IKZF1: variants seen among roughly 807,000 people sequenced by gnomAD.
IKZF1 encodes DNA-binding protein Ikaros.
Under a neutral mutation model 51.7 loss-of-function variants are expected in IKZF1, and 10 were observed. The observed-to-expected ratio is 0.19, with a 90% CI of 0.12 to 0.33. The LOEUF (loss-of-function observed/expected upper bound fraction) is 0.33, where lower values mean the gene tolerates loss of function less well. Among genes scored for constraint, IKZF1 ranks in the 10% least tolerant of loss-of-function variants. The pLI is 1.00. For synonymous variants in IKZF1, 280 were observed against 282.3 expected (o/e 0.99, Z 0.08); for missense variants, 484 against 707.5 (o/e 0.68, Z 3.58).
chr7:50,377,729 C>G (rs1275281872), intron 4 of IKZF1, among the ~76,000 whole-genome samples: 1 of 152,234 alleles, frequency 6.6e-6, no homozygotes, highest in East Asian at 1.9e-4. Flanking sequence ...CAGGAGGTTT[C>G]TTATGAATTG....
At chr7:50,374,644 T>G (rs956797987) in intron 3 of IKZF1, among the ~76,000 whole-genome samples, 1 of 152,198 alleles carries the variant, frequency 6.6e-6, no homozygotes, top group African/African-American at 2.4e-5. Context: ...CTGGGATCAC[T>G]GGGGGTGAGC....
At chr7:50,363,227 G>A (rs1033208300) in intron 3 of IKZF1, among the ~76,000 whole-genome samples, 1 of 152,164 alleles carries the variant, frequency 6.6e-6, no homozygotes, top group Non-Finnish European at 1.5e-5. Context: ...TCAAGCCCTG[G>A]TGGAGCCCCC....
At chr7:50,350,095 G>A (rs774875561) in intron 3 of IKZF1, among the ~76,000 whole-genome samples, 3 of 152,154 alleles carry the variant, frequency 2.0e-5, no homozygotes, top group Non-Finnish European at 4.4e-5. Context: ...GGCAGCCCCG[G>A]GGTGGGCCTT....
At chr7:50,334,886 GGT>G (rs1210670849) in intron 3 of IKZF1, among the ~76,000 whole-genome samples, 54 of 150,544 alleles carry the variant, frequency 3.6e-4, no homozygotes, top group Admixed American at 7.9e-4. Flanking sequence ...TGTAATGTGT[GGT>G]GTGTGTGTGT....
intron 5 of IKZF1, among the ~76,000 whole-genome samples, chr7:50,386,900 T>C (rs1028131239): frequency 6.6e-6 from 1 of 152,248 alleles, no homozygotes; most frequent in African/African-American, 2.4e-5. Flanking sequence ...CTGTGTTAGA[T>C]GTAGCACCAG....
At chr7:50,365,833 T>C (rs540304590) in intron 3 of IKZF1, among the ~76,000 whole-genome samples, 1 of 152,314 alleles carries the variant, frequency 6.6e-6, no homozygotes, top group African/African-American at 2.4e-5. Flanking sequence ...CATTTGTTTG[T>C]TGCAGCACTA....
chr7:50,330,319 G>A (rs1796170931), intron 3 of IKZF1, among the ~76,000 whole-genome samples: 1 of 152,206 alleles, frequency 6.6e-6, no homozygotes, highest in South Asian at 2.1e-4. Flanking sequence ...GCAGCCCTGT[G>A]GACAGGCGGG....
chr7:50,372,282 C>T (rs934576882), intron 3 of IKZF1, among the ~76,000 whole-genome samples: 2 of 152,216 alleles, frequency 1.3e-5, no homozygotes, highest in African/African-American at 2.4e-5. Context: ...ACCCCATTTA[C>T]GGGAAATCCA....
chr7:50,397,719 A>G (rs999760973), intron 7 of IKZF1, among the ~76,000 whole-genome samples: 5 of 152,224 alleles, frequency 3.3e-5, no homozygotes, highest in Non-Finnish European at 7.3e-5. Context: ...AAACAAAAAA[A>G]TTGTGTGGTT....
intron 2 of IKZF1, among the ~76,000 whole-genome samples, chr7:50,321,472 G>C (rs1360424462): frequency 1.3e-5 from 2 of 152,212 alleles, no homozygotes; most frequent in African/African-American, 2.4e-5. Flanking sequence ...GACTAGAAGT[G>C]ATTAGGGTGT....
At position 50,404,789 on chromosome 7, in the gene IKZF1, C is replaced by T. The variant is rs956612484; in HGVS notation, c.*4162C>T. 8 of 228,784 alleles carry T rather than the reference C, an allele frequency of 3.5e-5. No individual in the cohort carries two copies. Among genetic ancestry groups the T allele is most frequent in the African/African-American group, 1.8e-4 (8 of 45,104 alleles). 14.2% of individuals were successfully genotyped at this position (228,784 alleles called of 1,614,324 possible). On this transcript the variant is annotated 3_prime_UTR_variant, in exon 8 of 8. Transcript: ENST00000331340. The stretch of plus-strand genomic sequence containing the variant: ...CCCAGGGCCCTCACAATTTCACTAC[C>T]TTGTCTTTTACATAGTCATAAGAAT...
At chr7:50,365,051 C>A (rs1009259488) in intron 3 of IKZF1, among the ~76,000 whole-genome samples, 2 of 152,238 alleles carry the variant, frequency 1.3e-5, no homozygotes, top group African/African-American at 4.8e-5. Context: ...GTATGTGCAG[C>A]TGCAGTACCT....
At chr7:50,358,458 A>G (rs1562819512) in intron 3 of IKZF1, among the ~76,000 whole-genome samples, 1 of 152,182 alleles carries the variant, frequency 6.6e-6, no homozygotes, top group Non-Finnish European at 1.5e-5. Flanking sequence ...AGCGCCAGCT[A>G]ATGGCGGGGA....
chr7:50,359,660 G>A (rs1470174121), intron 3 of IKZF1, among the ~76,000 whole-genome samples: 3 of 152,242 alleles, frequency 2.0e-5, no homozygotes, highest in African/African-American at 7.2e-5. Context: ...GTACACACGT[G>A]CACACGTGGT....
At chr7:50,387,758 GT>G (rs1813832407) in intron 6 of IKZF1, among the ~76,000 whole-genome samples, 1 of 152,082 alleles carries the variant, frequency 6.6e-6, no homozygotes, top group African/African-American at 2.4e-5. Flanking sequence ...TTTTGGGGTT[GT>G]TTTTTGGATG....
chr7:50,399,840 A>G, intron 7 of IKZF1, 78 bp from the exon 8 acceptor site: 1 of 1,515,794 alleles, frequency 6.6e-7, no homozygotes, highest in Non-Finnish European at 8.8e-7. Context: ...CCCCGGTTGT[A>G]GATTTCAGCT....
intron 3 of IKZF1, among the ~76,000 whole-genome samples, chr7:50,339,433 G>T (rs1297478038): frequency 2.0e-5 from 3 of 152,134 alleles, no homozygotes; most frequent in African/African-American, 7.2e-5. Context: ...TTAGCATTTA[G>T]TTTGGTTGCT....
intron 7 of IKZF1, among the ~76,000 whole-genome samples, chr7:50,392,468 C>T (rs1344548943): frequency 1.3e-5 from 2 of 152,130 alleles, no homozygotes; most frequent in African/African-American, 4.8e-5. Flanking sequence ...ACACCAACAC[C>T]ACCATCCAGC....
intron 2 of IKZF1, among the ~76,000 whole-genome samples, chr7:50,322,309 C>T (rs988459024): frequency 2.6e-5 from 4 of 152,176 alleles, no homozygotes; most frequent in Non-Finnish European, 5.9e-5. Context: ...ATCCTCTTTT[C>T]CCATAAAATA....
Sources: gnomAD v4.1 joint callset for allele counts (sites outside exome capture counted in the v4.1 genomes callset) on GRCh38, gnomAD v4.1.1 for gene constraint, MANE v1.5 for transcripts, NCBI Gene and HGNC (gene_info 2026-07-23, HGNC 2026-07-21) for gene names.